The following PARD3 variants were observed in gnomAD, a reference collection of about 807,000 sequenced individuals.
PARD3 encodes the protein partitioning defective 3 homolog.
PARD3 carries 75 observed loss-of-function variants against 155.4 expected under a neutral mutation model. That is an observed-to-expected ratio of 0.48 (90% CI 0.40 to 0.58). PARD3 has a LOEUF of 0.58. Among genes scored for constraint, PARD3 ranks in the 20% least tolerant of loss-of-function variants. PARD3 has a pLI of 0.00. For synonymous variants in PARD3, 576 were observed against 610.5 expected (o/e 0.94, Z 0.83); for missense variants, 1,642 against 1,721.7 (o/e 0.95, Z 0.82).
intron 19 of PARD3, among the ~76,000 whole-genome samples, chr10:34,322,079 C>T (rs1958416296): frequency 6.6e-6 from 1 of 152,086 alleles, no homozygotes; most frequent in South Asian, 2.1e-4. Context: ...GGAATGCAAC[C>T]TAGCTCCAAG....
chr10:34,520,096 A>C (rs963699187), intron 2 of PARD3, among the ~76,000 whole-genome samples: 6 of 152,182 alleles, frequency 3.9e-5, no homozygotes, highest in African/African-American at 1.4e-4. Flanking sequence ...AGAAACGCGA[A>C]TGTACAGAAT....
chr10:34,524,469 G>C (rs1360736659), intron 2 of PARD3, among the ~76,000 whole-genome samples: 1 of 152,156 alleles, frequency 6.6e-6, no homozygotes, highest in Non-Finnish European at 1.5e-5. Flanking sequence ...CCCTCAGGGT[G>C]ACATAGTCTA....
At chr10:34,282,686 T>C (rs1003518280) in intron 21 of PARD3, among the ~76,000 whole-genome samples, 1 of 152,130 alleles carries the variant, frequency 6.6e-6, no homozygotes, top group Non-Finnish European at 1.5e-5. Context: ...ACTCTCTAAG[T>C]AAATTACATA....
intron 1 of PARD3, among the ~76,000 whole-genome samples, chr10:34,748,185 C>T (rs1835542774): frequency 6.6e-6 from 1 of 152,152 alleles, no homozygotes; most frequent in African/African-American, 2.4e-5. Context: ...AAGCTCTGCT[C>T]TTGGCCAGGC....
At chr10:34,405,083 C>CACAT (rs1844311801) in intron 5 of PARD3, among the ~76,000 whole-genome samples, 1 of 63,544 alleles carries the variant, frequency 1.6e-5, no homozygotes, top group Admixed American at 1.9e-4. Flanking sequence ...AACACAAACA[C>CACAT]ACACACACAC....
intron 2 of PARD3, among the ~76,000 whole-genome samples, chr10:34,608,534 CTT>C (rs71299715): frequency 2.6e-4 from 33 of 125,334 alleles, no homozygotes; most frequent in Admixed American, 1.6e-3. Flanking sequence ...AAAAAGAATA[CTT>C]TTTTTTTTTT....
intron 1 of PARD3, among the ~76,000 whole-genome samples, chr10:34,700,760 T>C (rs1163862205): frequency 6.6e-6 from 1 of 152,068 alleles, no homozygotes; most frequent in Non-Finnish European, 1.5e-5. Context: ...TCACCTGAGG[T>C]CAGGAGTTAG....
intron 14 of PARD3, among the ~76,000 whole-genome samples, chr10:34,350,591 C>T (rs759248865): frequency 8.9e-5 from 13 of 146,506 alleles, no homozygotes; most frequent in Non-Finnish European, 1.6e-4. Flanking sequence ...CGAGATCACG[C>T]CACTGCACTC....
intron 2 of PARD3, among the ~76,000 whole-genome samples, chr10:34,594,386 A>T (rs1476710313): frequency 2.6e-5 from 4 of 152,220 alleles, no homozygotes; most frequent in Non-Finnish European, 5.9e-5. Flanking sequence ...TGTTATAAAG[A>T]AGTGAACTAA....
At chr10:34,178,068 T>C (rs1295877779) in intron 22 of PARD3, among the ~76,000 whole-genome samples, 1 of 152,152 alleles carries the variant, frequency 6.6e-6, no homozygotes, top group African/African-American at 2.4e-5. Context: ...AAATAACATA[T>C]ATACAGGAAA....
intron 1 of PARD3, among the ~76,000 whole-genome samples, chr10:34,795,842 T>C (rs552449302): frequency 7.3e-5 from 11 of 151,388 alleles, no homozygotes; most frequent in African/African-American, 2.7e-4. Context: ...TGTAGTGAGC[T>C]GAGATCGTGC....
chr10:34,468,422 A>T (rs116499449), intron 4 of PARD3, among the ~76,000 whole-genome samples: 3,813 of 152,276 alleles, frequency 0.025, 164 homozygotes, highest in African/African-American at 0.087. Flanking sequence ...AGTTAAAAAA[A>T]TTTTTTTAAA....
At chr10:34,589,444 G>A (rs1005343176) in intron 2 of PARD3, among the ~76,000 whole-genome samples, 29 of 152,084 alleles carry the variant, frequency 1.9e-4, no homozygotes, top group Admixed American at 1.6e-3. Flanking sequence ...ATCCTTAGAA[G>A]AAGAAAAAAT....
intron 3 of PARD3, among the ~76,000 whole-genome samples, chr10:34,495,064 G>A (rs965304889): frequency 6.6e-6 from 1 of 152,070 alleles, no homozygotes; most frequent in African/African-American, 2.4e-5. Context: ...ACAACACAAT[G>A]GTTGAGCCCA....
intron 1 of PARD3, among the ~76,000 whole-genome samples, chr10:34,748,149 A>T (rs1195089752): frequency 6.6e-6 from 1 of 152,188 alleles, no homozygotes; most frequent in Admixed American, 6.5e-5. Flanking sequence ...CAGCCACCGG[A>T]ACCCCTCCAT....
chr10:34,679,536 C>T (rs949352166), intron 2 of PARD3, among the ~76,000 whole-genome samples: 4 of 152,146 alleles, frequency 2.6e-5, no homozygotes. Flanking sequence ...CTCTCTTCTT[C>T]CAGTGAATGA....
At chr10:34,565,677 A>G (rs2085880199) in intron 2 of PARD3, among the ~76,000 whole-genome samples, 1 of 152,026 alleles carries the variant, frequency 6.6e-6, no homozygotes, top group Non-Finnish European at 1.5e-5. Context: ...TGTGCCTCAC[A>G]CCATGGCTTG....
At chr10:34,205,549 C>T (rs1420255024) in intron 22 of PARD3, among the ~76,000 whole-genome samples, 2 of 152,072 alleles carry the variant, frequency 1.3e-5, no homozygotes, top group Admixed American at 6.6e-5. Context: ...GGTAAGGTGT[C>T]AGATGCAATG....
chr10:34,788,304 G>A (rs67427607), intron 1 of PARD3, among the ~76,000 whole-genome samples: 53,609 of 151,836 alleles, frequency 0.35, 10,606 homozygotes, highest in African/African-American at 0.55. Context: ...CCCAGAAAGC[G>A]CAGGACCAGT....
Sources: allele counts gnomAD v4.1 joint callset (sites outside exome capture counted in the v4.1 genomes callset), GRCh38; gene constraint gnomAD v4.1.1; transcripts MANE v1.5; gene names NCBI Gene and HGNC (gene_info 2026-07-23, HGNC 2026-07-21).